Variants in NFIB observed in about 807,000 individuals in gnomAD.
NFIB encodes the protein nuclear factor I B, also known as nuclear factor 1 B-type.
A neutral mutation model predicts 61.5 loss-of-function variants in NFIB; 11 were observed. That is an observed-to-expected ratio of 0.18 (90% confidence interval 0.11 to 0.30). The LOEUF is 0.30. Among genes scored for constraint, NFIB ranks in the 10% least tolerant of loss-of-function variants. The pLI, the probability that NFIB is intolerant of heterozygous loss-of-function variation, is 1.00. For missense variants in NFIB, 471 were observed against 608.9 expected (o/e 0.77, Z 2.38); for synonymous variants, 260 against 216.5 (o/e 1.20, Z -1.76).
chr9:14,107,660 C>T (rs1209423926), intron 10 of NFIB, among the ~76,000 whole-genome samples: 1 of 152,106 alleles, frequency 6.6e-6, no homozygotes, highest in Non-Finnish European at 1.5e-5. Flanking sequence ...TGCCCTGTCA[C>T]ATCAACACTA....
rs60253903 is a variant in NFIB, at chr9:14,349,770, T to C, written c.109-42250A>G. Among the ~76,000 whole-genome samples, 193 of 152,248 alleles carry C rather than the reference T, an allele frequency of 1.3e-3. 1 individual carries two copies. Among genetic ancestry groups the C allele is most frequent in the African/African-American group, 4.4e-3 (184 of 41,534 alleles). ...CTGATGGGCTATGCGGAAAAAAGAA[T>C]TTATTAGTGACAATTTCTTGCATAG... is the stretch of plus-strand genomic sequence containing the variant. On this transcript the variant is annotated intron_variant, in intron 1 of 8. Transcript: ENST00000380934.
intron 10 of NFIB, among the ~76,000 whole-genome samples, chr9:14,101,884 AT>A (rs2035835370): frequency 6.6e-6 from 1 of 152,198 alleles, no homozygotes; most frequent in African/African-American, 2.4e-5. Context: ...TTAGTTACTG[AT>A]TCCAACAATC....
At chr9:14,372,701 A>G (rs1369433802) in intron 1 of NFIB, among the ~76,000 whole-genome samples, 2 of 152,162 alleles carry the variant, frequency 1.3e-5, no homozygotes, top group Non-Finnish European at 2.9e-5. Context: ...CTGTTATAAC[A>G]TGTGGTCCAG....
At chr9:14,509,847 G>A in the NFIB span, among the ~76,000 whole-genome samples, 1 of 152,146 alleles carries the variant, frequency 6.6e-6, no homozygotes, top group Non-Finnish European at 1.5e-5. Context: ...TTTTGAGAAA[G>A]CAGCTTCTTA....
chr9:14,333,338 G>C (rs1482108554), intron 1 of NFIB, among the ~76,000 whole-genome samples: 1 of 152,156 alleles, frequency 6.6e-6, no homozygotes, highest in East Asian at 1.9e-4. Context: ...GGCAGGATTT[G>C]AACCTAGGAA....
intron 10 of NFIB, among the ~76,000 whole-genome samples, chr9:14,089,542 G>A (rs900807921): frequency 1.3e-5 from 2 of 151,990 alleles, no homozygotes; most frequent in South Asian, 2.1e-4. Context: ...ACTCAAATCC[G>A]AATGAATGTC....
At chr9:14,336,958 G>A (rs1313535430) in intron 1 of NFIB, among the ~76,000 whole-genome samples, 2 of 152,162 alleles carry the variant, frequency 1.3e-5, no homozygotes, top group South Asian at 2.1e-4. Context: ...GCCTGGCTGT[G>A]TTTCCATAAA....
chr9:14,447,472 T>C, the NFIB span, among the ~76,000 whole-genome samples: 3 of 152,160 alleles, frequency 2.0e-5, no homozygotes, highest in Admixed American at 2.0e-4. Flanking sequence ...CTCCATTAAA[T>C]TCTTGGCTTG....
intron 2 of NFIB, among the ~76,000 whole-genome samples, chr9:14,185,656 A>G (rs1234964708): frequency 6.6e-6 from 1 of 152,182 alleles, no homozygotes; most frequent in Admixed American, 6.5e-5. Flanking sequence ...ACAGAAAACC[A>G]TCAGTCTATA....
At chr9:14,175,776 C>T (rs1484585918) in intron 3 of NFIB, among the ~76,000 whole-genome samples, 1 of 152,096 alleles carries the variant, frequency 6.6e-6, no homozygotes, top group African/African-American at 2.4e-5. Context: ...CTAGAAAGGC[C>T]CCAAAAGTTT....
intron 1 of NFIB, among the ~76,000 whole-genome samples, chr9:14,390,179 A>T (rs957530786): frequency 3.3e-5 from 5 of 152,168 alleles, no homozygotes; most frequent in African/African-American, 1.2e-4. Flanking sequence ...AAAAAAAGGC[A>T]AGCAATCATG....
chr9:14,149,073 T>C (rs1160886219), intron 5 of NFIB, among the ~76,000 whole-genome samples: 1 of 152,218 alleles, frequency 6.6e-6, no homozygotes, highest in Non-Finnish European at 1.5e-5. Context: ...AGACAGAATT[T>C]AAAAATTACT....
chr9:14,282,459 T>C (rs1197616053), intron 2 of NFIB, among the ~76,000 whole-genome samples: 5 of 152,230 alleles, frequency 3.3e-5, no homozygotes, highest in Admixed American at 3.3e-4. Context: ...ATTAAAATAA[T>C]GTTATATTAC....
chr9:14,085,165 T>A lies in NFIB; in HGVS notation c.*3144A>T. ...GCTGTGCTGTTCAGCATTTGGGCTATCAAACTGAATGGGCTAATCAAATAC... is the reference window on the plus strand; with the variant it reads ...GCTGTGCTGTTCAGCATTTGGGCTAACAAACTGAATGGGCTAATCAAATAC... On this transcript the variant is annotated 3_prime_UTR_variant, in exon 11 of 11. Transcript: ENST00000380953. 4.4e-6 allele frequency: 1 copy of A among 229,186 alleles called. No homozygotes were observed. The highest frequency in any genetic ancestry group is 8.7e-6 in the Non-Finnish European group (1 of 115,522). The allele number at this position is 229,186 out of a possible 1,614,324, so 14.2% of individuals were successfully genotyped here. A position where few individuals can be genotyped will look rare whatever the true frequency, so the allele number is the denominator to read the frequency against.
intron 10 of NFIB, among the ~76,000 whole-genome samples, chr9:14,092,467 C>G (rs1740347354): frequency 2.6e-5 from 4 of 152,158 alleles, no homozygotes; most frequent in Admixed American, 6.6e-5. Context: ...CAAAGTCTCC[C>G]ACTTAGCCCT....
intron 6 of NFIB, among the ~76,000 whole-genome samples, chr9:14,142,634 T>C (rs1464170532): frequency 6.6e-6 from 1 of 152,128 alleles, no homozygotes; most frequent in African/African-American, 2.4e-5. Context: ...AGTCTCTGAA[T>C]TGACTCAGAT....
chr9:14,410,439 C>A, the NFIB span, among the ~76,000 whole-genome samples: 2 of 152,168 alleles, frequency 1.3e-5, no homozygotes, highest in Non-Finnish European at 1.5e-5. Flanking sequence ...ATGCAAAGGG[C>A]AGAGTAAACT....
chr9:14,346,290 A>AACCC (rs2061019183), intron 1 of NFIB, among the ~76,000 whole-genome samples: 3 of 88,394 alleles, frequency 3.4e-5, no homozygotes, highest in Non-Finnish European at 2.6e-5. Context: ...GGTAACCGAC[A>AACCC]CCCCCCCCCC....
At chr9:14,332,989 C>T (rs955651429) in intron 1 of NFIB, among the ~76,000 whole-genome samples, 2 of 152,190 alleles carry the variant, frequency 1.3e-5, no homozygotes, top group Non-Finnish European at 2.9e-5. Flanking sequence ...AGCCTTTCTA[C>T]AGCCTACAGT....
Sources: allele counts gnomAD v4.1 joint callset (sites outside exome capture counted in the v4.1 genomes callset), GRCh38; gene constraint gnomAD v4.1.1; transcripts MANE v1.5; gene names NCBI Gene and HGNC (gene_info 2026-07-23, HGNC 2026-07-21).